The following STK25 variants were observed in gnomAD, a reference collection of about 807,000 sequenced individuals.
STK25 encodes the protein serine/threonine-protein kinase 25.
In STK25, 29 loss-of-function variants were observed where a neutral mutation model predicts 53.8. The ratio of observed to expected loss-of-function variants is 0.54; its 90% CI spans 0.40 to 0.74. The LOEUF (loss-of-function observed/expected upper bound fraction) is 0.74. STK25 is among the 30% of genes least tolerant of loss of function. The pLI is 0.00. For synonymous variants in STK25, 247 were observed against 238.3 expected (o/e 1.04, Z -0.33); for missense variants, 420 against 568.0 (o/e 0.74, Z 2.65).
At position 241,493,971 on chromosome 2, in the gene STK25, G is replaced by GA; in HGVS notation, c.*1690dup. 8.0e-7 allele frequency: 1 copy of GA among 1,253,026 alleles called. No homozygotes were observed. Among genetic ancestry groups the GA allele is most frequent in the Non-Finnish European group, 1.1e-6 (1 of 946,088 alleles). 77.6% of individuals were successfully genotyped at this position (1,253,026 alleles called of 1,614,324 possible). ...TTCTTGGGACAGTGTCTGAGCACAA[G>GA]ATGGCTCACTGGTCTGATGGCCGCC... On this transcript the variant is annotated 3_prime_UTR_variant, in exon 12 of 12. Coordinates refer to ENST00000316586, the MANE Select transcript of STK25 (RefSeq NM_001271977.2).
Position 241,492,890 on chromosome 2 carries a change from G to A in STK25, c.*2772C>T. On this transcript the variant is annotated 3_prime_UTR_variant, in exon 12 of 12. Transcript: ENST00000316586. ...AACCCACTCCCACAAGGGGTCCTGG[G>A]TGCTGGTTAATGCACCTGCATTTTT... The A allele has an allele frequency of 8.3e-7, 1 of 1,202,124 alleles. No homozygotes were observed. The highest frequency in any genetic ancestry group is 2.3e-5 in the East Asian group (1 of 43,020). The allele number at this position is 1,202,124 out of a possible 1,614,324, so 74.5% of individuals were successfully genotyped here. A position where few individuals can be genotyped will look rare whatever the true frequency, so the allele number is the denominator to read the frequency against.
rs780044217 is a variant in STK25 at position 241,496,418 on chromosome 2, G to A, written c.1221C>T (p.His407=). Reference sequence around the variant, plus strand: ...CTCACCTCTGCACTCGCTCCACCAGGTGCACCATCAGCTTGTCTGAGATGC... The same window carrying A: ...CTCACCTCTGCACTCGCTCCACCAGATGCACCATCAGCTTGTCTGAGATGC... The part of the protein sequence containing the change: ...CPGISDKLMV[H]LVERVQRFSH... The change falls in exon 11 of 12, where the codon CAC becomes CAT. Residue 407 remains histidine, a synonymous_variant. Transcript: ENST00000316586. This position sits in a 1 kb window ranked among gnomAD's most constrained non-coding sequence, Gnocchi z 5.8. 3 of 1,613,522 alleles carry A rather than the reference G, an allele frequency of 1.9e-6. No homozygotes were observed. The highest frequency in any genetic ancestry group is 1.7e-6 in the Non-Finnish European group (2 of 1,179,906).
At chr2:241,500,068 C>A in intron 5 of STK25, 105 bp downstream of exon 5, 1 of 940,318 alleles carries the variant, frequency 1.1e-6, no homozygotes. Flanking sequence ...TCTCTATACT[C>A]CAGACCCTGG....
chr2:241,503,631 T>G (rs2065640410), intron 2 of STK25, among the ~76,000 whole-genome samples: 1 of 141,168 alleles, frequency 7.1e-6, no homozygotes, highest in Non-Finnish European at 1.5e-5. Context: ...GATAATATCA[T>G]GAACCCAGGA....
chr2:241,508,296 C>T lies in STK25; in HGVS notation c.-101+147G>A, dbSNP rs1449365175. The T allele has an allele frequency of 5.6e-6, 7 of 1,258,674 alleles. No individual in the cohort carries two copies. In the East Asian group the frequency reaches 2.4e-4, roughly 43 times the overall value. The allele number at this position is 1,258,674 out of a possible 1,614,324, so 78.0% of individuals were successfully genotyped here. A position where few individuals can be genotyped will look rare whatever the true frequency, so the allele number is the denominator to read the frequency against. The stretch of plus-strand genomic sequence containing the variant: ...CGCCCAGGCTCCCGGGGGCTCGCCG[C>T]CCCTCCCGTCGCCGCCCCCACCTCT... On this transcript the variant is annotated intron_variant, in intron 1 of 11. Transcript: ENST00000316586.
Position 241,495,625 on chromosome 2 carries a change from A to G in STK25, c.*37T>C, listed in dbSNP as rs2065101281. On this transcript the variant is annotated 3_prime_UTR_variant, in exon 12 of 12. Coordinates refer to ENST00000316586, the MANE Select transcript of STK25 (RefSeq NM_001271977.2). ...TCTTATGGAGCTCAGAACAAAAACA[A>G]ACGACCTTCCGTCCCCTATCTGAAC... The G allele has an allele frequency of 6.2e-7, 1 of 1,613,096 alleles. No individual in the cohort carries two copies. Among genetic ancestry groups the G allele is most frequent in the African/African-American group, 1.3e-5 (1 of 74,916 alleles).
chr2:241,508,710 T>G, upstream of STK25: 2 of 984,396 alleles, frequency 2.0e-6, no homozygotes, highest in African/African-American at 3.5e-5. Flanking sequence ...CCCGGCAGGC[T>G]GCGCGAGAGG....
upstream of STK25, chr2:241,509,540 G>A (rs2066040425): frequency 6.6e-6 from 1 of 152,466 alleles, no homozygotes; most frequent in Non-Finnish European, 1.5e-5. Flanking sequence ...CTCAGCACAG[G>A]TGACTATCCT....
chr2:241,507,542 C>T (rs2065910288), intron 2 of STK25, among the ~76,000 whole-genome samples: 1 of 152,264 alleles, frequency 6.6e-6, no homozygotes, highest in African/African-American at 2.4e-5. Flanking sequence ...TCTGCTTCTC[C>T]ACAATCTCAG....
At position 241,501,368 on chromosome 2, in the gene STK25, C is replaced by T; in HGVS notation, c.261+110G>A. ...AGGGCAGTTTCCCGGAGGGCATGCACTGAACCGTCAAGACCGCCTTGCACC... is the reference window on the plus strand; with the variant it reads ...AGGGCAGTTTCCCGGAGGGCATGCATTGAACCGTCAAGACCGCCTTGCACC... On this transcript the variant is annotated intron_variant, in intron 3 of 11. Transcript: ENST00000316586. The surrounding 1 kb of genome is among the most constrained non-coding windows in gnomAD (Gnocchi z 5.3). 1 of 1,145,894 alleles carries T rather than the reference C, an allele frequency of 8.7e-7. No homozygotes were observed. The allele number at this position is 1,145,894 out of a possible 1,614,324, so 71.0% of individuals were successfully genotyped here. A position where few individuals can be genotyped will look rare whatever the true frequency, so the allele number is the denominator to read the frequency against.
chr2:241,500,297 C>T lies in STK25; in HGVS notation c.319-16G>A, dbSNP rs373984786. On this transcript the variant is annotated splice_polypyrimidine_tract_variant and intron_variant, in intron 4 of 11. Transcript: ENST00000316586. ...CTGGTTTAAGCTGGAGAGGAAGGTG[C>T]GACAGCAGGGCCTCAGCTCCTGTCC... 7.4e-5 allele frequency: 118 copies of T among 1,588,340 alleles called. 1 individual carries two copies. The East Asian group carries it at 8.1e-4, about 11-fold the overall frequency.
chr2:241,501,763 G>C lies in STK25; in HGVS notation c.31-55C>G. On this transcript the variant is annotated intron_variant, in intron 2 of 11. Coordinates refer to ENST00000316586, the MANE Select transcript of STK25 (RefSeq NM_001271977.2). This position sits in a 1 kb window ranked among gnomAD's most constrained non-coding sequence, Gnocchi z 5.3. ...GACAGCGCCGGTCACAAGAGGCGGGGGACAGGCAGAGGCTGCCCTGCTGGG... is the reference window on the plus strand; with the variant it reads ...GACAGCGCCGGTCACAAGAGGCGGGCGACAGGCAGAGGCTGCCCTGCTGGG... 1.4e-6 allele frequency: 2 copies of C among 1,445,598 alleles called. No individual in the cohort carries two copies. Among genetic ancestry groups the C allele is most frequent in the Non-Finnish European group, 1.9e-6 (2 of 1,042,680 alleles). 89.5% of individuals were successfully genotyped at this position (1,445,598 alleles called of 1,614,324 possible). A position where few individuals can be genotyped will look rare whatever the true frequency, so the allele number is the denominator to read the frequency against.
intron 5 of STK25, 67 bp downstream of exon 5, chr2:241,500,106 G>A (rs2065419302): frequency 7.1e-7 from 1 of 1,409,862 alleles, no homozygotes; most frequent in African/African-American, 1.4e-5. Context: ...CCCCTCACAG[G>A]CCCCGGCCTC....
In STK25 at chr2:241,508,032, C is replaced by T; in HGVS notation, c.4G>A (p.Ala2Thr). The change falls in exon 2 of 12, where the codon GCT becomes ACT. Residue 2 changes from alanine (A) to threonine (T), a missense_variant. By Grantham distance (58) the Ala-to-Thr change is moderately conservative (BLOSUM62 0). Coordinates refer to ENST00000316586, the MANE Select transcript of STK25 (RefSeq NM_001271977.2). ...TGGTTGGCAAATCCCCGGAGGTGAG[C>T]CATGGCCGCGCCGCCTCAGACCCTC... Reference protein sequence around the residue: MAHLRGFANQHS... With the variant: MTHLRGFANQHS... 6.2e-7 allele frequency: 1 copy of T among 1,605,430 alleles called. No individual in the cohort carries two copies. The highest frequency in any genetic ancestry group is 1.1e-5 in the South Asian group (1 of 89,238).
At position 241,494,280 on chromosome 2, in the gene STK25, G is replaced by A. The variant is rs776210488; in HGVS notation, c.*1382C>T. ...GTGGGTGGGCCTCATGTAACATCTG[G>A]GAGGGGCTTCATCCCCCCACCCAGG... On this transcript the variant is annotated 3_prime_UTR_variant, in exon 12 of 12. Transcript: ENST00000316586. This position sits in a 1 kb window ranked among gnomAD's most constrained non-coding sequence, Gnocchi z 4.9. 2.3e-6 allele frequency: 1 copy of A among 432,326 alleles called. No homozygotes were observed. Among genetic ancestry groups the A allele is most frequent in the Admixed American group, 4.4e-5 (1 of 22,864 alleles). The allele number at this position is 432,326 out of a possible 1,614,324, so 26.8% of individuals were successfully genotyped here.
chr2:241,497,443 G>GTCAT, intron 10 of STK25, 173 bp downstream of exon 10: 1 of 655,184 alleles, frequency 1.5e-6, no homozygotes, highest in Non-Finnish European at 2.7e-6. Flanking sequence ...TACAAAAGGA[G>GTCAT]TCATTGCAGC....
At chr2:241,495,938 G>C (rs34257026) in intron 11 of STK25, among the ~76,000 whole-genome samples, 1 of 152,272 alleles carries the variant, frequency 6.6e-6, no homozygotes, top group Non-Finnish European at 1.5e-5. Context: ...AGGACTTGGC[G>C]CATCTGCCGG....
chr2:241,498,534 A>G (rs1392519502), intron 8 of STK25, 105 bp downstream of exon 8: 57 of 1,432,120 alleles, frequency 4.0e-5, no homozygotes, highest in South Asian at 2.6e-5. Context: ...GCCCAACACT[A>G]TATCTGGTCA....
At position 241,494,515 on chromosome 2, in the gene STK25, TG is replaced by T. The variant is rs2065050549; in HGVS notation, c.*1146del. 1 of 158,106 alleles carries T rather than the reference TG, an allele frequency of 6.3e-6. No individual in the cohort carries two copies. The highest frequency in any genetic ancestry group is 2.0e-4 in the South Asian group (1 of 4,884). The allele number at this position is 158,106 out of a possible 1,614,324, so 9.8% of individuals were successfully genotyped here. A position where few individuals can be genotyped will look rare whatever the true frequency, so the allele number is the denominator to read the frequency against. On this transcript the variant is annotated 3_prime_UTR_variant, in exon 12 of 12. Transcript: ENST00000316586. The surrounding 1 kb of genome is among the most constrained non-coding windows in gnomAD (Gnocchi z 4.9). Reference sequence around the variant, plus strand: ...CCGAGGACTGGCCTAGAGCAAGCACTGGAAAAGAGGCCCTGCCATACACCCT... The same window carrying T: ...CCGAGGACTGGCCTAGAGCAAGCACTGAAAAGAGGCCCTGCCATACACCCT...
Sources: gnomAD v4.1 joint callset for allele counts (sites outside exome capture counted in the v4.1 genomes callset) on GRCh38, gnomAD v4.1.1 for gene constraint, Gnocchi (gnomAD v3.1) non-coding constraint, MANE v1.5 for transcripts, NCBI Gene and HGNC (gene_info 2026-07-23, HGNC 2026-07-21) for gene names.